The following TRIQK variants were observed in gnomAD, a reference collection of about 807,000 sequenced individuals.
TRIQK encodes triple QxxK/R motif containing.
Under a neutral mutation model 10.8 loss-of-function variants are expected in TRIQK, and 10 were observed. The ratio of observed to expected loss-of-function variants is 0.92; its 90% confidence interval spans 0.57 to 1.57. The LOEUF (loss-of-function observed/expected upper bound fraction) is 1.57. Ranked by LOEUF, TRIQK falls within the 40% of genes most tolerant of loss-of-function variation. The pLI is 0.00. For missense variants in TRIQK, 107 were observed against 97.7 expected (o/e 1.09, Z -0.40); for synonymous variants, 33 against 33.7 (o/e 0.98, Z 0.07).
rs536945405 is a variant in TRIQK at position 92,890,719 on chromosome 8, A to G, written c.147+1270T>C. 3.9e-5 allele frequency among the ~76,000 whole-genome samples: 6 copies of G among 151,990 alleles called. No individual in the cohort carries two copies. The East Asian group carries it at 1.2e-3, about 29-fold the overall frequency. ...GGATTTTGTTACCCCATATTTTTCT[A>G]AGAAACAAACAAACTAATTAAAACA... On this transcript the variant is annotated intron_variant, in intron 4 of 4. Transcript: ENST00000521988.
intron 1 of TRIQK, among the ~76,000 whole-genome samples, 175 bp from the exon 2 acceptor site, chr8:92,954,739 G>T (rs1212265089): frequency 6.6e-6 from 1 of 151,688 alleles, no homozygotes; most frequent in Non-Finnish European, 1.5e-5. Context: ...GGAAAATGTT[G>T]CATATTATGC....
intron 1 of TRIQK, among the ~76,000 whole-genome samples, chr8:93,004,472 G>C (rs558461514): frequency 7.9e-5 from 12 of 152,240 alleles, no homozygotes; most frequent in Non-Finnish European, 1.6e-4. Context: ...GCAAAGGTCT[G>C]TGAAATGCCC....
intron 3 of TRIQK, among the ~76,000 whole-genome samples, chr8:92,903,625 C>T (rs1244357545): frequency 1.3e-5 from 2 of 152,100 alleles, no homozygotes; most frequent in East Asian, 3.8e-4. Flanking sequence ...TTTCCTATTA[C>T]TCTTTTCTCA....
At chr8:92,928,048 G>A (rs765257177) in intron 2 of TRIQK, 14 of 152,114 alleles carry the variant, frequency 9.2e-5, no homozygotes, top group Non-Finnish European at 1.3e-4. Context: ...TTAATAAAGC[G>A]TTTGGGATTA....
At chr8:92,987,194 T>C (rs1437936180) in intron 1 of TRIQK, among the ~76,000 whole-genome samples, 1 of 152,222 alleles carries the variant, frequency 6.6e-6, no homozygotes, top group Non-Finnish European at 1.5e-5. Flanking sequence ...CATAGGCCAT[T>C]GAAGCATCAG....
intron 3 of TRIQK, among the ~76,000 whole-genome samples, chr8:92,893,047 C>T (rs1344224352): frequency 1.3e-5 from 2 of 151,872 alleles, no homozygotes; most frequent in African/African-American, 2.4e-5. Flanking sequence ...CCCTTCCTTT[C>T]GATGACCAGT....
At chr8:92,982,702 C>G (rs919630070) in intron 1 of TRIQK, among the ~76,000 whole-genome samples, 1 of 151,958 alleles carries the variant, frequency 6.6e-6, no homozygotes, top group African/African-American at 2.4e-5. Context: ...CTGCAAATAT[C>G]AATGGGAGAC....
chr8:92,913,693 A>G (rs529647989), intron 3 of TRIQK, among the ~76,000 whole-genome samples: 3 of 152,342 alleles, frequency 2.0e-5, no homozygotes, highest in Non-Finnish European at 4.4e-5. Context: ...AGCACTATTT[A>G]AAATAGCAAA....
chr8:92,995,766 C>T (rs1035174886), intron 1 of TRIQK, among the ~76,000 whole-genome samples: 4 of 152,084 alleles, frequency 2.6e-5, no homozygotes, highest in Non-Finnish European at 4.4e-5. Context: ...TTGATGAACA[C>T]GGTTATGTGT....
chr8:92,954,671 T>G (rs972970785), intron 1 of TRIQK, 107 bp from the exon 2 acceptor site: 1 of 152,014 alleles, frequency 6.6e-6, no homozygotes, highest in Non-Finnish European at 1.5e-5. Context: ...AGGTGTTTCT[T>G]GGTTTGCTAA....
intron 1 of TRIQK, among the ~76,000 whole-genome samples, chr8:92,958,298 G>A (rs1812277481): frequency 6.6e-6 from 1 of 151,770 alleles, no homozygotes; most frequent in Non-Finnish European, 1.5e-5. Context: ...TGAATTCATA[G>A]GCACCCTTCA....
At chr8:93,015,135 TTATC>T (rs1242133023) in intron 1 of TRIQK, among the ~76,000 whole-genome samples, 1 of 151,938 alleles carries the variant, frequency 6.6e-6, no homozygotes. Flanking sequence ...ATTTATAAAA[TTATC>T]TATTTATAGG....
chr8:92,958,608 A>G (rs912577166), intron 1 of TRIQK, among the ~76,000 whole-genome samples: 2 of 152,056 alleles, frequency 1.3e-5, no homozygotes, highest in Non-Finnish European at 2.9e-5. Context: ...AAATTCAAAT[A>G]ATAATAGATT....
chr8:92,941,388 T>G (rs1286845845), intron 2 of TRIQK: 2 of 152,074 alleles, frequency 1.3e-5, no homozygotes, highest in Non-Finnish European at 2.9e-5. Flanking sequence ...AAAGGGAAAT[T>G]TAAAAATTTC....
chr8:92,991,661 A>C (rs961461345), intron 1 of TRIQK, among the ~76,000 whole-genome samples: 1 of 152,180 alleles, frequency 6.6e-6, no homozygotes, highest in Non-Finnish European at 1.5e-5. Flanking sequence ...CCGGGCAATC[A>C]GGCAAAAGAA....
rs891334302 is a variant in TRIQK at position 92,885,057 on chromosome 8, T to C, written c.*1565A>G. ...TATATAAGAACTCTTGGTCTGTCTCTTGAGTCTGTGAGTTCAAAGGGAAGA... is the reference window on the plus strand; with the variant it reads ...TATATAAGAACTCTTGGTCTGTCTCCTGAGTCTGTGAGTTCAAAGGGAAGA... On this transcript the variant is annotated 3_prime_UTR_variant, in exon 5 of 5. Transcript: ENST00000521988. The C allele has an allele frequency of 7.5e-5, 34 of 452,132 alleles. No homozygotes were observed. The highest frequency in any genetic ancestry group is 6.5e-4 in the Middle Eastern group (2 of 3,070). 28.0% of individuals were successfully genotyped at this position (452,132 alleles called of 1,614,324 possible).
At chr8:93,003,479 T>A (rs1213247124) in intron 1 of TRIQK, among the ~76,000 whole-genome samples, 1 of 152,132 alleles carries the variant, frequency 6.6e-6, no homozygotes, top group Non-Finnish European at 1.5e-5. Context: ...CCCCCATCAC[T>A]GGCAATTACA....
intron 2 of TRIQK, among the ~76,000 whole-genome samples, chr8:92,925,459 G>A (rs1186117780): frequency 2.6e-5 from 4 of 152,104 alleles, no homozygotes; most frequent in African/African-American, 4.8e-5. Context: ...ATTACAGATA[G>A]ATAGTATTCA....
chr8:92,993,503 T>G (rs1262296578), intron 1 of TRIQK, among the ~76,000 whole-genome samples: 1 of 152,156 alleles, frequency 6.6e-6, no homozygotes, highest in Non-Finnish European at 1.5e-5. Flanking sequence ...ATAAGTTCAT[T>G]GTAGTCAGAA....
Sources: allele counts gnomAD v4.1 joint callset (sites outside exome capture counted in the v4.1 genomes callset), GRCh38; gene constraint gnomAD v4.1.1; transcripts MANE v1.5; gene names NCBI Gene and HGNC (gene_info 2026-07-23, HGNC 2026-07-21).